Variants in FHOD3 observed in about 807,000 individuals in gnomAD.
The protein encoded by FHOD3 is formin homology 2 domain containing 3.
FHOD3 carries 90 observed loss-of-function variants against 173.0 expected under a neutral mutation model. The observed-to-expected ratio is 0.52, with a 90% CI of 0.44 to 0.62. The LOEUF (loss-of-function observed/expected upper bound fraction) is 0.62. FHOD3 is among the 20% of genes least tolerant of loss of function. The pLI is 0.00. For missense variants in FHOD3, 1,945 were observed against 2,034.7 expected (o/e 0.96, Z 0.85); for synonymous variants, 828 against 823.0 (o/e 1.01, Z -0.10).
intron 15 of FHOD3, among the ~76,000 whole-genome samples, chr18:36,684,254 G>T (rs778284301): frequency 1.6e-4 from 25 of 152,220 alleles, no homozygotes; most frequent in Non-Finnish European, 3.2e-4. Flanking sequence ...ATTCTTTGTA[G>T]AATTTAAATA....
intron 3 of FHOD3, among the ~76,000 whole-genome samples, chr18:36,395,439 T>G (rs535276886): frequency 2.8e-4 from 42 of 152,246 alleles, no homozygotes; most frequent in Non-Finnish European, 4.1e-4. Context: ...AAGTTCACCA[T>G]CAATCTTTAT....
chr18:36,654,328 G>A (rs901907351), intron 13 of FHOD3, among the ~76,000 whole-genome samples: 4 of 152,272 alleles, frequency 2.6e-5, no homozygotes, highest in South Asian at 2.1e-4. Flanking sequence ...ATCTATGATC[G>A]TTAACAATTT....
At chr18:36,391,448 T>G (rs2048295596) in intron 3 of FHOD3, among the ~76,000 whole-genome samples, 1 of 152,226 alleles carries the variant, frequency 6.6e-6, no homozygotes, top group Non-Finnish European at 1.5e-5. Context: ...TTTTTCTCGA[T>G]GATAGGAGGG....
chr18:36,337,531 G>A (rs1366396234), intron 1 of FHOD3, among the ~76,000 whole-genome samples: 2 of 152,216 alleles, frequency 1.3e-5, no homozygotes, highest in Non-Finnish European at 2.9e-5. Context: ...TCCCCTGCAT[G>A]TGGCTCTTTG....
intron 25 of FHOD3, among the ~76,000 whole-genome samples, chr18:36,755,872 C>T (rs983667597): frequency 6.6e-6 from 1 of 152,112 alleles, no homozygotes; most frequent in Non-Finnish European, 1.5e-5. Flanking sequence ...GGAAAGAGTT[C>T]CCAGAGGACA....
chr18:36,382,045 A>G (rs1038154588), intron 3 of FHOD3, among the ~76,000 whole-genome samples: 5 of 152,188 alleles, frequency 3.3e-5, no homozygotes, highest in Admixed American at 2.6e-4. Flanking sequence ...CCATGGTGCC[A>G]GCCATCGCAG....
rs144572098 is a variant in FHOD3 at position 36,777,362 on chromosome 18, T to C, written c.4787-2086T>C. 3.8e-3 allele frequency among the ~76,000 whole-genome samples: 575 copies of C among 152,076 alleles called. 5 individuals are homozygous for C. Among genetic ancestry groups the C allele is most frequent in the African/African-American group, 0.013 (535 of 41,472 alleles). On this transcript the variant is annotated intron_variant, in intron 28 of 28. Coordinates refer to ENST00000590592, the MANE Select transcript of FHOD3 (RefSeq NM_001281740.3). ...GACTACAGATGTGTGCCACCATGTCTGGCTAATTTTTGTATTTTTAGTAGA... is the reference window on the plus strand; with the variant it reads ...GACTACAGATGTGTGCCACCATGTCCGGCTAATTTTTGTATTTTTAGTAGA...
intron 5 of FHOD3, among the ~76,000 whole-genome samples, chr18:36,514,030 A>C (rs1160417740): frequency 3.5e-5 from 1 of 28,538 alleles, no homozygotes; most frequent in Non-Finnish European, 8.1e-5. Flanking sequence ...TTTTTTTGAG[A>C]TGGAGTCTTG....
chr18:36,536,762 C>T (rs1049902803), intron 5 of FHOD3, among the ~76,000 whole-genome samples: 4 of 152,214 alleles, frequency 2.6e-5, no homozygotes, highest in African/African-American at 9.6e-5. Context: ...CATGGGGTGG[C>T]AGGCAGTGGC....
chr18:36,585,089 C>T (rs907277972), intron 6 of FHOD3, among the ~76,000 whole-genome samples: 2 of 152,194 alleles, frequency 1.3e-5, no homozygotes, highest in Non-Finnish European at 2.9e-5. Flanking sequence ...AATATACAGT[C>T]ATATGAATGT....
intron 22 of FHOD3, among the ~76,000 whole-genome samples, chr18:36,743,107 G>A (rs899522647): frequency 9.8e-3 from 1 of 102 alleles, no homozygotes; most frequent in Non-Finnish European, 0.021. Flanking sequence ...TCAGGAGATC[G>A]AGCCATCCTG....
chr18:36,493,982 C>T (rs759573642), intron 3 of FHOD3, among the ~76,000 whole-genome samples: 4 of 152,150 alleles, frequency 2.6e-5, no homozygotes, highest in Admixed American at 2.0e-4. Flanking sequence ...GACCCCAAAG[C>T]GTGATACTGT....
At chr18:36,649,617 T>C (rs533072132) in intron 11 of FHOD3, among the ~76,000 whole-genome samples, 2 of 152,322 alleles carry the variant, frequency 1.3e-5, no homozygotes, top group African/African-American at 4.8e-5. Flanking sequence ...ATTGAAATCC[T>C]ACCTTCCTAA....
chr18:36,545,182 G>A (rs1035127213), intron 5 of FHOD3, among the ~76,000 whole-genome samples: 1 of 152,084 alleles, frequency 6.6e-6, no homozygotes, highest in African/African-American at 2.4e-5. Context: ...TTCATTTTGT[G>A]CCCCGTGTGC....
At chr18:36,497,028 C>T (rs2054781179) in intron 3 of FHOD3, among the ~76,000 whole-genome samples, 1 of 152,180 alleles carries the variant, frequency 6.6e-6, no homozygotes, top group Non-Finnish European at 1.5e-5. Context: ...AAAAACAAAA[C>T]TTACATTAAC....
At chr18:36,657,008 T>A (rs1031587183) in intron 13 of FHOD3, among the ~76,000 whole-genome samples, 1 of 152,266 alleles carries the variant, frequency 6.6e-6, no homozygotes, top group African/African-American at 2.4e-5. Context: ...TATTTCCTTA[T>A]GTTATCTTCC....
intron 27 of FHOD3, among the ~76,000 whole-genome samples, chr18:36,763,897 G>T (rs2043029641): frequency 6.6e-6 from 1 of 152,162 alleles, no homozygotes; most frequent in Admixed American, 6.6e-5. Flanking sequence ...AAGATAATTA[G>T]TCTCTCTGAG....
intron 1 of FHOD3, among the ~76,000 whole-genome samples, chr18:36,341,500 G>A (rs182402702): frequency 1.1e-3 from 175 of 152,262 alleles, no homozygotes; most frequent in Non-Finnish European, 1.5e-3. Context: ...GTTCATGAGC[G>A]GCAGGTGCAG....
chr18:36,480,592 G>C (rs975928570), intron 3 of FHOD3, among the ~76,000 whole-genome samples: 11 of 152,204 alleles, frequency 7.2e-5, no homozygotes, highest in Non-Finnish European at 1.3e-4. Context: ...CTGGAGGTTT[G>C]CAGTTTCTGT....
Sources: allele counts gnomAD v4.1 joint callset (sites outside exome capture counted in the v4.1 genomes callset), GRCh38; gene constraint gnomAD v4.1.1; transcripts MANE v1.5; gene names NCBI Gene and HGNC (gene_info 2026-07-23, HGNC 2026-07-21).